PRIM2: variants seen among roughly 807,000 people sequenced by gnomAD.
PRIM2 encodes the protein DNA primase subunit 2.
Under a neutral mutation model 67.3 loss-of-function variants are expected in PRIM2, and 39 were observed. That is an observed-to-expected ratio of 0.58 (90% CI 0.45 to 0.76). The LOEUF (loss-of-function observed/expected upper bound fraction) is 0.76. Among genes scored for constraint, PRIM2 ranks in the 30% least tolerant of loss-of-function variants. The pLI, the probability that PRIM2 is intolerant of heterozygous loss-of-function variation, is 0.00. For synonymous variants in PRIM2, 143 were observed against 198.7 expected (o/e 0.72, Z 2.36); for missense variants, 398 against 598.7 (o/e 0.66, Z 3.50).
At chr6:57,376,351 G>A (rs1562719718) in intron 5 of PRIM2, among the ~76,000 whole-genome samples, 1 of 152,182 alleles carries the variant, frequency 6.6e-6, no homozygotes, top group African/African-American at 2.4e-5. Flanking sequence ...TCATGTAGTG[G>A]TATGTCATTG....
At chr6:57,465,592 T>TCTCA (rs1220424031) in intron 7 of PRIM2, among the ~76,000 whole-genome samples, 15 of 152,204 alleles carry the variant, frequency 9.9e-5, no homozygotes, top group African/African-American at 3.6e-4. Flanking sequence ...CCAGCTTTTA[T>TCTCA]CTCAGCTCTG....
intron 10 of PRIM2, among the ~76,000 whole-genome samples, chr6:57,562,322 A>G (rs1230128510): frequency 6.6e-6 from 1 of 152,236 alleles, no homozygotes; most frequent in African/African-American, 2.4e-5. Flanking sequence ...GGGTTCCACA[A>G]ACCTTCAATA....
chr6:57,329,542 A>G (rs1198603168), intron 5 of PRIM2, among the ~76,000 whole-genome samples: 3 of 152,066 alleles, frequency 2.0e-5, no homozygotes, highest in African/African-American at 7.2e-5. Flanking sequence ...GTGGGAGGTA[A>G]CTGAATCATG....
the PRIM2 span, among the ~76,000 whole-genome samples, chr6:57,273,392 G>A: frequency 6.6e-6 from 1 of 152,128 alleles, no homozygotes; most frequent in African/African-American, 2.4e-5. Context: ...TTCCATGACT[G>A]ATAGCCTATC....
the PRIM2 span, among the ~76,000 whole-genome samples, chr6:57,256,286 G>A: frequency 2.0e-5 from 3 of 152,084 alleles, no homozygotes; most frequent in African/African-American, 7.2e-5. Flanking sequence ...CATATGTCAG[G>A]CATATGCCAC....
At chr6:57,584,377 T>C (rs1156793757) in intron 10 of PRIM2, among the ~76,000 whole-genome samples, 1 of 152,248 alleles carries the variant, frequency 6.6e-6, no homozygotes, top group Non-Finnish European at 1.5e-5. Context: ...TTGACATCAC[T>C]GAAAATGGTC....
Position 57,353,378 on chromosome 6 carries a change from G to T in PRIM2, c.460-26523G>T, listed in dbSNP as rs370503738. ...ATGTAATAGGATCTGCATACAAATAGATTGCAATTTGTGTTTAGAAAGGAT... is the reference window on the plus strand; with the variant it reads ...ATGTAATAGGATCTGCATACAAATATATTGCAATTTGTGTTTAGAAAGGAT... On this transcript the variant is annotated intron_variant, in intron 5 of 13. Transcript: ENST00000615550. 7.5e-3 allele frequency among the ~76,000 whole-genome samples: 1,142 copies of T among 152,250 alleles called. 7 individuals carry two copies. Among genetic ancestry groups the T allele is most frequent in the Non-Finnish European group, 0.011 (772 of 68,012 alleles).
chr6:57,437,266 C>A lies in PRIM2; in HGVS notation c.693+55098C>A, dbSNP rs532834760. Among the ~76,000 whole-genome samples, 192 of 152,326 alleles carry A rather than the reference C, an allele frequency of 1.3e-3. 5 individuals carry two copies. The East Asian group carries it at 0.016, about 13-fold the overall frequency. Reference sequence around the variant, plus strand: ...AAATCCACTTGCATGACCCAGTGACCTCTCACCAGGTTCCACCTCCAACAA... The same window carrying A: ...AAATCCACTTGCATGACCCAGTGACATCTCACCAGGTTCCACCTCCAACAA... On this transcript the variant is annotated intron_variant, in intron 7 of 13. Transcript: ENST00000615550.
intron 8 of PRIM2, among the ~76,000 whole-genome samples, chr6:57,512,061 G>A (rs1554347759): frequency 5.0e-4 from 76 of 152,272 alleles, no homozygotes; most frequent in East Asian, 9.6e-4. Context: ...TGGGCAGTGC[G>A]GGAGTTGGGA....
At chr6:57,297,824 T>G in the PRIM2 span, among the ~76,000 whole-genome samples, 3 of 152,142 alleles carry the variant, frequency 2.0e-5, no homozygotes, top group Non-Finnish European at 2.9e-5. Flanking sequence ...GTCTACAGAA[T>G]GACTGACTAG....
intron 7 of PRIM2, among the ~76,000 whole-genome samples, chr6:57,481,569 G>A (rs1285606108): frequency 2.0e-5 from 3 of 151,464 alleles, no homozygotes; most frequent in African/African-American, 4.8e-5. Context: ...GTTTTTGTGC[G>A]AACATAGGTT....
chr6:57,580,254 ATTAG>A (rs1776056616), intron 10 of PRIM2, among the ~76,000 whole-genome samples: 1 of 152,226 alleles, frequency 6.6e-6, no homozygotes, highest in Non-Finnish European at 1.5e-5. Context: ...AAAAAATAAA[ATTAG>A]TTAATTAATT....
chr6:57,371,089 G>A (rs1326937511), intron 5 of PRIM2, among the ~76,000 whole-genome samples: 1 of 148,804 alleles, frequency 6.7e-6, no homozygotes, highest in Non-Finnish European at 1.5e-5. Flanking sequence ...AAGAAATATT[G>A]CATTAAACTC....
At chr6:57,273,703 C>G in the PRIM2 span, among the ~76,000 whole-genome samples, 1 of 152,186 alleles carries the variant, frequency 6.6e-6, no homozygotes, top group Non-Finnish European at 1.5e-5. Context: ...GAGAGGCACT[C>G]TGGTTTTTAG....
In PRIM2 at chr6:57,553,158, G is replaced by T. The variant is rs1296986702; in HGVS notation, c.1020+15533G>T. ...TTCACAGGAAATGTGTGGATTAAAG[G>T]GATTTTTATTTGTTTAAATATAGTC... On this transcript the variant is annotated intron_variant, in intron 10 of 13. Coordinates refer to ENST00000615550, the MANE Select transcript of PRIM2 (RefSeq NM_000947.5). Among the ~76,000 whole-genome samples the T allele has an allele frequency of 1.4e-3, 211 of 152,068 alleles. 5 individuals carry two copies. In the East Asian group the frequency reaches 0.019, roughly 14 times the overall value.
chr6:57,640,666 T>G (rs1160760890), intron 13 of PRIM2, among the ~76,000 whole-genome samples: 1 of 151,960 alleles, frequency 6.6e-6, no homozygotes, highest in South Asian at 2.1e-4. Flanking sequence ...CAATACAACT[T>G]CCAAGGGATG....
At chr6:57,528,045 C>T (rs1329306481) in intron 8 of PRIM2, among the ~76,000 whole-genome samples, 1 of 151,920 alleles carries the variant, frequency 6.6e-6, no homozygotes, top group Non-Finnish European at 1.5e-5. Context: ...ATCACTGCAA[C>T]CTCAAACTCC....
intron 7 of PRIM2, among the ~76,000 whole-genome samples, chr6:57,397,601 T>C (rs1770562495): frequency 6.6e-6 from 1 of 152,174 alleles, no homozygotes; most frequent in Non-Finnish European, 1.5e-5. Context: ...TTTCCTTGCA[T>C]TGGGCTTCCC....
intron 8 of PRIM2, among the ~76,000 whole-genome samples, chr6:57,529,033 G>T (rs1223403049): frequency 6.6e-6 from 1 of 152,128 alleles, no homozygotes; most frequent in African/African-American, 2.4e-5. Context: ...AAAACCAGCC[G>T]GGCGCAGTGG....
Sources: allele counts gnomAD v4.1 joint callset (sites outside exome capture counted in the v4.1 genomes callset), GRCh38; gene constraint gnomAD v4.1.1; transcripts MANE v1.5; gene names NCBI Gene and HGNC (gene_info 2026-07-23, HGNC 2026-07-21).